Variants in GABRG3 observed in about 807,000 individuals in gnomAD.
GABRG3 encodes gamma-aminobutyric acid type A receptor subunit gamma3, also known as gamma-aminobutyric acid receptor subunit gamma-3.
In GABRG3, 25 loss-of-function variants were observed where a neutral mutation model predicts 48.8. The observed-to-expected ratio is 0.51, with a 90% CI of 0.37 to 0.72. The LOEUF (loss-of-function observed/expected upper bound fraction) is 0.72. Among genes scored for constraint, GABRG3 ranks in the 30% least tolerant of loss-of-function variants. The pLI, the probability that GABRG3 is intolerant of heterozygous loss-of-function variation, is 0.00. For synonymous variants in GABRG3, 227 were observed against 217.6 expected, an observed-to-expected ratio of 1.04 and a Z score of -0.38; for missense variants, 394 against 577.9, an observed-to-expected ratio of 0.68 and a Z score of 3.26.
intron 5 of GABRG3, among the ~76,000 whole-genome samples, chr15:27,421,898 G>A (rs1258223262): frequency 6.6e-6 from 1 of 151,544 alleles, no homozygotes; most frequent in African/African-American, 2.4e-5. Context: ...AATACTGAGT[G>A]TTCTAAGATA....
intron 5 of GABRG3, among the ~76,000 whole-genome samples, chr15:27,446,067 TAAG>T (rs1176345532): frequency 6.6e-6 from 1 of 152,220 alleles, no homozygotes; most frequent in African/African-American, 2.4e-5. Context: ...GGTTTGGAAA[TAAG>T]AGAATTGTGA....
intron 5 of GABRG3, among the ~76,000 whole-genome samples, chr15:27,385,819 G>A (rs1895904874): frequency 1.3e-5 from 2 of 152,040 alleles, no homozygotes; most frequent in Non-Finnish European, 2.9e-5. Flanking sequence ...AATTCTTTGA[G>A]TATATTTATA....
Position 27,304,236 on chromosome 15 carries a change from A to G in GABRG3, c.271-22573A>G, listed in dbSNP as rs1892313856. Among the ~76,000 whole-genome samples, 2 of 151,914 alleles carry G rather than the reference A, an allele frequency of 1.3e-5. 1 individual carries two copies. Among genetic ancestry groups the G allele is most frequent in the South Asian group, 4.1e-4 (2 of 4,826 alleles). ...CAGTGGAAAAGGCAAGAAGAAAATA[A>G]AAAGTGTACAAATTGGAGAGGAAGA... On this transcript the variant is annotated intron_variant, in intron 3 of 9. Transcript: ENST00000615808.
In GABRG3 at chr15:27,039,889, C is replaced by G. The variant is rs1178513259; in HGVS notation, c.270+13068C>G. Among the ~76,000 whole-genome samples the G allele has an allele frequency of 2.0e-5, 3 of 152,210 alleles. No homozygotes were observed. In the East Asian group the frequency reaches 5.8e-4, roughly 29 times the overall value. The stretch of plus-strand genomic sequence containing the variant: ...CCTGGAATCTTACTATGGAGCTGCC[C>G]TAGACTTATGCAACCACTCACCGAG... On this transcript the variant is annotated intron_variant, in intron 3 of 9. Transcript: ENST00000615808.
intron 2 of GABRG3, among the ~76,000 whole-genome samples, chr15:26,985,537 A>G (rs535751317): frequency 1.5e-4 from 23 of 152,310 alleles, no homozygotes; most frequent in African/African-American, 5.3e-4. Flanking sequence ...GAAAAATTAT[A>G]AGCACAGTTG....
At chr15:27,383,775 C>T (rs142673830) in intron 5 of GABRG3, among the ~76,000 whole-genome samples, 32 of 152,154 alleles carry the variant, frequency 2.1e-4, no homozygotes, top group Admixed American at 3.3e-4. Flanking sequence ...TTCAGAAAAA[C>T]GTGTTAATTC....
intron 5 of GABRG3, among the ~76,000 whole-genome samples, chr15:27,440,732 C>A (rs1387667684): frequency 1.3e-5 from 2 of 152,220 alleles, no homozygotes; most frequent in East Asian, 3.9e-4. Context: ...ATGAGAGATT[C>A]ATTATTTTGT....
At chr15:27,489,039 C>T (rs1890285053) in intron 6 of GABRG3, among the ~76,000 whole-genome samples, 1 of 151,836 alleles carries the variant, frequency 6.6e-6, no homozygotes, top group Non-Finnish European at 1.5e-5. Flanking sequence ...TCCCCCCACC[C>T]CCCGACAGGC....
At position 27,457,910 on chromosome 15, in the gene GABRG3, C is replaced by T. The variant is rs980313908; in HGVS notation, c.575-22740C>T. ...CATCTTTAAACAAAGCTTCCAGGCTCCAGGGCTTTGGGGTCTCTCGTGGGA... is the reference window on the plus strand; with the variant it reads ...CATCTTTAAACAAAGCTTCCAGGCTTCAGGGCTTTGGGGTCTCTCGTGGGA... On this transcript the variant is annotated intron_variant, in intron 5 of 9. Transcript: ENST00000615808. The surrounding 1 kb of genome is among the most constrained non-coding windows in gnomAD (Gnocchi z 4.4). 6.6e-6 allele frequency among the ~76,000 whole-genome samples: 1 copy of T among 152,164 alleles called. No homozygotes were observed. Among genetic ancestry groups the T allele is most frequent in the Non-Finnish European group, 1.5e-5 (1 of 68,044 alleles).
intron 5 of GABRG3, among the ~76,000 whole-genome samples, chr15:27,473,392 G>A (rs1262745638): frequency 6.6e-6 from 1 of 152,174 alleles, no homozygotes; most frequent in Non-Finnish European, 1.5e-5. Flanking sequence ...ATTTTTTACA[G>A]GGGAAAGTGC....
At chr15:27,346,844 C>G (rs1053580680) in intron 5 of GABRG3, among the ~76,000 whole-genome samples, 6 of 152,112 alleles carry the variant, frequency 3.9e-5, no homozygotes, top group Admixed American at 3.9e-4. Flanking sequence ...ATGTTATTTA[C>G]TATTTCCATT....
In GABRG3 at chr15:27,538,261, T is replaced by A. The variant is rs1891593908; in HGVS notation, c.*5380T>A. On this transcript the variant is annotated 3_prime_UTR_variant, in exon 10 of 10. Transcript: ENST00000615808. Reference sequence around the variant, plus strand: ...TATAAAAGCCAAATTTTAGGCGAACTTAAATAAATCAGTGCTGAAAAACTA... The same window carrying A: ...TATAAAAGCCAAATTTTAGGCGAACATAAATAAATCAGTGCTGAAAAACTA... 1 of 152,234 alleles carries A rather than the reference T, an allele frequency of 6.6e-6. No homozygotes were observed. Among genetic ancestry groups the A allele is most frequent in the South Asian group, 2.1e-4 (1 of 4,836 alleles). The allele number at this position is 152,234 out of a possible 1,614,324, so 9.4% of individuals were successfully genotyped here. A position where few individuals can be genotyped will look rare whatever the true frequency, so the allele number is the denominator to read the frequency against.
intron 3 of GABRG3, among the ~76,000 whole-genome samples, chr15:27,122,051 A>G (rs1897740328): frequency 6.6e-6 from 1 of 152,224 alleles, no homozygotes; most frequent in African/African-American, 2.4e-5. Flanking sequence ...TGATAGCACA[A>G]GAGGGTAACT....
chr15:27,188,048 G>A (rs547776202), intron 3 of GABRG3, among the ~76,000 whole-genome samples: 3 of 151,996 alleles, frequency 2.0e-5, no homozygotes, highest in Middle Eastern at 3.2e-3. Flanking sequence ...CCCTACAAAG[G>A]ACCTGAACTC....
chr15:27,119,718 G>A (rs1897699689), intron 3 of GABRG3, among the ~76,000 whole-genome samples: 1 of 152,184 alleles, frequency 6.6e-6, no homozygotes, highest in African/African-American at 2.4e-5. Context: ...CAGGACTGAG[G>A]TCATTGGGTT....
intron 5 of GABRG3, among the ~76,000 whole-genome samples, chr15:27,384,443 G>A (rs907366144): frequency 6.6e-6 from 1 of 152,002 alleles, no homozygotes; most frequent in African/African-American, 2.4e-5. Context: ...TTTAATAGAA[G>A]GACTTTTGAA....
chr15:27,331,847 G>A (rs1450335016), intron 5 of GABRG3, among the ~76,000 whole-genome samples: 1 of 151,972 alleles, frequency 6.6e-6, no homozygotes, highest in Non-Finnish European at 1.5e-5. Context: ...ACCTAAACCT[G>A]CTTCTTTTTT....
At chr15:27,391,056 C>G (rs1177236757) in intron 5 of GABRG3, among the ~76,000 whole-genome samples, 1 of 151,490 alleles carries the variant, frequency 6.6e-6, no homozygotes, top group Middle Eastern at 3.2e-3. Flanking sequence ...CCATTGCACT[C>G]TAGCCTGGGT....
chr15:27,528,811 G>C (rs73373608), intron 9 of GABRG3, among the ~76,000 whole-genome samples: 2,631 of 152,008 alleles, frequency 0.017, 80 homozygotes, highest in African/African-American at 0.058. Context: ...TCTGACAGTG[G>C]TGTATATGTT....
Sources: gnomAD v4.1 joint callset for allele counts (sites outside exome capture counted in the v4.1 genomes callset) on GRCh38, gnomAD v4.1.1 for gene constraint, Gnocchi (gnomAD v3.1) non-coding constraint, MANE v1.5 for transcripts, NCBI Gene and HGNC (gene_info 2026-07-23, HGNC 2026-07-21) for gene names.